The following PGC variants were observed in gnomAD, a reference collection of about 807,000 sequenced individuals.
PGC encodes the protein gastricsin.
Under a neutral mutation model 45.9 loss-of-function variants are expected in PGC, and 31 were observed. The observed-to-expected ratio is 0.67, with a 90% CI of 0.51 to 0.91. The LOEUF is 0.91. PGC is among the 40% of genes least tolerant of loss of function. PGC has a pLI of 0.00. For synonymous variants in PGC, 192 were observed against 201.8 expected (o/e 0.95, Z 0.41); for missense variants, 477 against 493.2 (o/e 0.97, Z 0.31).
chr6:41,740,641 G>C, intron 5 of PGC, 31 bp from the exon 6 acceptor site: 1 of 1,565,534 alleles, frequency 6.4e-7, no homozygotes, highest in Non-Finnish European at 8.6e-7. Flanking sequence ...GGGAAGTCAG[G>C]GAGTGCCATG....
At chr6:41,740,836 C>T in intron 5 of PGC, 1 of 1,427,662 alleles carries the variant, frequency 7.0e-7, no homozygotes, top group Non-Finnish European at 9.1e-7. Flanking sequence ...ACTGGGCCTC[C>T]CTGAGGACGA....
intron 1 of PGC, among the ~76,000 whole-genome samples, chr6:41,746,739 A>G (rs906348701): frequency 2.0e-5 from 3 of 152,198 alleles, no homozygotes; most frequent in Non-Finnish European, 4.4e-5. Context: ...TAGAGAAATA[A>G]CAGGCAGGAT....
chr6:41,746,218 T>C (rs1771929738), intron 1 of PGC, among the ~76,000 whole-genome samples: 2 of 151,812 alleles, frequency 1.3e-5, no homozygotes, highest in Non-Finnish European at 2.9e-5. Flanking sequence ...AGAGTTCCTT[T>C]CTACGGCAGC....
In PGC at chr6:41,743,464, C is replaced by T. The variant is rs1035505448; in HGVS notation, c.329-75G>A. On this transcript the variant is annotated intron_variant, in intron 3 of 8. Coordinates refer to ENST00000373025, the MANE Select transcript of PGC (RefSeq NM_002630.4). ...CTCAGCTCTCAGGCCTGCCGGGTTC[C>T]CACCTCAGCCTCTCGCTCAGGCTGC... 36 of 893,198 alleles carry T rather than the reference C, an allele frequency of 4.0e-5. No individual in the cohort carries two copies. In the East Asian group the frequency reaches 5.1e-4, roughly 13 times the overall value. The allele number at this position is 893,198 out of a possible 1,614,324, so 55.3% of individuals were successfully genotyped here.
intron 7 of PGC, among the ~76,000 whole-genome samples, chr6:41,738,178 A>ACATATATATATACATATATATATG (rs1771736366): frequency 1.1e-4 from 3 of 27,572 alleles, no homozygotes; most frequent in African/African-American, 5.4e-4. Flanking sequence ...ATATATATAT[A>ACATATATATATACATATATATATG]CATATATATA....
rs1561879788 is a variant in PGC at position 41,738,191 on chromosome 6, C to CATATATATACAT, written c.916-364_916-363insATGTATATATAT. Among the ~76,000 whole-genome samples, 11 of 11,062 alleles carry CATATATATACAT rather than the reference C, an allele frequency of 9.9e-4. 2 individuals carry two copies. Among genetic ancestry groups the CATATATATACAT allele is most frequent in the Non-Finnish European group, 3.2e-3 (7 of 2,184 alleles). 7.3% of individuals were successfully genotyped at this position (11,062 alleles called of 152,430 possible). On this transcript the variant is annotated intron_variant, in intron 7 of 8. Transcript: ENST00000373025. Reference sequence around the variant, plus strand: ...GCATATATATATACATATATATATGCATATATATATGCATATATATATGCA... The same window carrying CATATATATACAT: ...GCATATATATATACATATATATATGCATATATATACATATATATATATGCATATATATATGCA...
intron 7 of PGC, 128 bp downstream of exon 7, chr6:41,739,671 G>T: frequency 3.4e-6 from 3 of 887,486 alleles, no homozygotes; most frequent in Non-Finnish European, 5.2e-6. Context: ...TGCCTGCCTT[G>T]GCCTCCCAAA....
At chr6:41,746,382 G>A (rs747694215) in intron 1 of PGC, among the ~76,000 whole-genome samples, 6 of 152,200 alleles carry the variant, frequency 3.9e-5, no homozygotes, top group South Asian at 2.1e-4. Flanking sequence ...CCAGGACCAC[G>A]GGAAGTTGGC....
In PGC at chr6:41,738,181, T is replaced by TATATATAC. The variant is rs1554138622; in HGVS notation, c.916-354_916-353insGTATATAT. 7.3e-4 allele frequency among the ~76,000 whole-genome samples: 30 copies of TATATATAC among 41,292 alleles called. 1 individual carries two copies. Among genetic ancestry groups the TATATATAC allele is most frequent in the African/African-American group, 1.0e-3 (14 of 13,458 alleles). 27.1% of individuals were successfully genotyped at this position (41,292 alleles called of 152,430 possible). On this transcript the variant is annotated intron_variant, in intron 7 of 8. Transcript: ENST00000373025. ...ACATATATATGCATATATATATACA[T>TATATATAC]ATATATATGCATATATATATGCATA... is the stretch of plus-strand genomic sequence containing the variant.
intron 5 of PGC, chr6:41,741,971 C>A: frequency 1.4e-6 from 1 of 736,696 alleles, no homozygotes; most frequent in Non-Finnish European, 2.3e-6. Flanking sequence ...GAAGCCTGTC[C>A]AAGGGGTGCT....
rs201677411 is a variant in PGC, at chr6:41,736,993, G to A, written c.1026C>T (p.Tyr342=). Residue 342 remains tyrosine, a synonymous_variant, in exon 9 of 9, where the codon TAC becomes TAT. Transcript: ENST00000373025. ...AGGTGGGCTCGACTCCCACGGTGCA[G>A]TAGCCGTTGTTCTGCTCAACAAAGA... ...PSSYILSNNG[Y]CTVGVEPTYL... 1 of 1,613,034 alleles carries A rather than the reference G, an allele frequency of 6.2e-7. No homozygotes were observed. The highest frequency in any genetic ancestry group is 1.7e-5 in the Admixed American group (1 of 59,982).
chr6:41,739,985 A>T, intron 6 of PGC, 39 bp from the exon 7 acceptor site: 1 of 1,594,304 alleles, frequency 6.3e-7, no homozygotes, highest in Non-Finnish European at 8.6e-7. Flanking sequence ...GGACTCCCCC[A>T]GTTCAGGGCA....
At chr6:41,737,526 T>A (rs1474147534) in intron 8 of PGC, among the ~76,000 whole-genome samples, 1 of 152,222 alleles carries the variant, frequency 6.6e-6, no homozygotes, top group Non-Finnish European at 1.5e-5. Context: ...CACTAATTAA[T>A]AATAATTGAT....
Position 41,743,303 on chromosome 6 carries a change from G to A in PGC, c.415C>T (p.Leu139Phe), listed in dbSNP as rs1324189229. 6.2e-7 allele frequency: 1 copy of A among 1,613,486 alleles called. No homozygotes were observed. Among genetic ancestry groups the A allele is most frequent in the Non-Finnish European group, 8.5e-7 (1 of 1,179,370 alleles). Reference sequence around the variant, plus strand: ...GTGTCATAGCCAAAGAAGCCGGTGAGGCTGCCACTGCCATACTGCAGGGAG... The same window carrying A: ...GTGTCATAGCCAAAGAAGCCGGTGAAGCTGCCACTGCCATACTGCAGGGAG... ...TFSLQYGSGSLTGFFGYDTLT... is the reference protein window; with the variant it reads ...TFSLQYGSGSFTGFFGYDTLT... Residue 139 changes from leucine to phenylalanine, a missense_variant, in exon 4 of 9, where the codon CTC (leucine) becomes TTC (phenylalanine). Coordinates refer to ENST00000373025, the MANE Select transcript of PGC (RefSeq NM_002630.4).
intron 5 of PGC, chr6:41,741,340 T>G (rs977743974): frequency 4.9e-6 from 5 of 1,012,562 alleles, no homozygotes; most frequent in Non-Finnish European, 6.9e-6. Context: ...TGAAGCTAAC[T>G]GTCTCTAGAA....
In PGC at chr6:41,743,219, C is replaced by G. The variant is rs191281717; in HGVS notation, c.447+52G>C. On this transcript the variant is annotated intron_variant, in intron 4 of 8. Transcript: ENST00000373025. Reference sequence around the variant, plus strand: ...TTTCAGGAGAGTCCATCTAACTGTCCCCTCCAGCTTATAGCTCACAGCCCC... The same window carrying G: ...TTTCAGGAGAGTCCATCTAACTGTCGCCTCCAGCTTATAGCTCACAGCCCC... The G allele has an allele frequency of 9.5e-5, 102 of 1,068,616 alleles. 1 individual carries two copies. In the East Asian group the frequency reaches 2.3e-3, roughly 24 times the overall value. 66.2% of individuals were successfully genotyped at this position (1,068,616 alleles called of 1,614,324 possible).
At chr6:41,739,995 A>G in intron 6 of PGC, 49 bp from the exon 7 acceptor site, 1 of 1,575,092 alleles carries the variant, frequency 6.3e-7, no homozygotes, top group Non-Finnish European at 8.6e-7. Context: ...AGTTCAGGGC[A>G]GCTGGGGCGG....
intron 7 of PGC, among the ~76,000 whole-genome samples, chr6:41,738,132 GCA>G (rs1491412065): frequency 0.39 from 30,549 of 77,532 alleles, 9,641 homozygotes; most frequent in Middle Eastern, 0.53. Context: ...ACATATATAT[GCA>G]TATATATATG....
chr6:41,742,557 A>G (rs1771850551), intron 4 of PGC, 68 bp from the exon 5 acceptor site: 1 of 1,152,224 alleles, frequency 8.7e-7, no homozygotes, highest in African/African-American at 1.5e-5. Flanking sequence ...GTTCCCCTAG[A>G]GACTCCTCAA....
Sources: allele counts gnomAD v4.1 joint callset (sites outside exome capture counted in the v4.1 genomes callset), GRCh38; gene constraint gnomAD v4.1.1; transcripts MANE v1.5; gene names NCBI Gene and HGNC (gene_info 2026-07-23, HGNC 2026-07-21).